Variants in S1PR4 observed in about 807,000 individuals in gnomAD.
S1PR4 encodes the protein sphingosine 1-phosphate receptor 4.
S1PR4 carries 1 observed loss-of-function variant against 0.4 expected under a neutral mutation model. The ratio of observed to expected loss-of-function variants is 2.48; its 90% CI spans 0.88 to 11.76. S1PR4 has a LOEUF of 11.76. Ranked by LOEUF, S1PR4 falls within the 30% of genes most tolerant of loss-of-function variation. The pLI is 0.12. For synonymous variants in S1PR4, 296 were observed against 266.7 expected (o/e 1.11, Z -1.07); for missense variants, 595 against 557.8 (o/e 1.07, Z -0.67).
Position 3,179,651 on chromosome 19 carries a change from C to A in S1PR4, c.859C>A (p.Arg287=). The A allele has an allele frequency of 1.2e-6, 2 of 1,613,322 alleles. No individual in the cohort carries two copies. The highest frequency in any genetic ancestry group is 2.2e-5 in the East Asian group (1 of 44,874). The stretch of plus-strand genomic sequence containing the variant: ...CAACCTCTGGGCCCAGGAGTACCTG[C>A]GGGGCATGGACTGGATCCTGGCCCT... The part of the protein sequence containing the change: ...GSNLWAQEYL[R]GMDWILALAV... The change falls in exon 1 of 1, where the codon CGG becomes AGG. Residue 287 remains arginine (R), a synonymous_variant. Coordinates refer to ENST00000246115, the MANE Select transcript of S1PR4 (RefSeq NM_003775.4).
rs1406975224 is a variant in S1PR4, at chr19:3,178,932, G to A, written c.140G>A (p.Gly47Glu). 1.3e-6 allele frequency: 2 copies of A among 1,531,146 alleles called. No homozygotes were observed. Among genetic ancestry groups the A allele is most frequent in the South Asian group, 1.2e-5 (1 of 83,556 alleles). 94.8% of individuals were successfully genotyped at this position (1,531,146 alleles called of 1,614,324 possible). ...GRGGPEDGGL[G>E]ALRGLSVAAS... ...GGGGGGCCGGAGGATGGCGGCCTGG[G>A]GGCCCTGCGGGGGCTGTCGGTGGCC... The change falls in exon 1 of 1, where the codon GGG becomes GAG. Residue 47 changes from glycine to glutamate, a missense_variant. Physicochemically the swap from Gly to Glu is moderately conservative, Grantham distance 98. Coordinates refer to ENST00000246115, the MANE Select transcript of S1PR4 (RefSeq NM_003775.4).
Position 3,178,952 on chromosome 19 carries a change from G to A in S1PR4, c.160G>A (p.Val54Met), listed in dbSNP as rs1272993979. 4.5e-6 allele frequency: 7 copies of A among 1,544,026 alleles called. No homozygotes were observed. In the Admixed American group the frequency reaches 5.8e-5, roughly 13 times the overall value. Residue 54 changes from valine to methionine, a missense_variant, in exon 1 of 1, where the codon GTG (valine) becomes ATG (methionine). Coordinates refer to ENST00000246115, the MANE Select transcript of S1PR4 (RefSeq NM_003775.4). Reference protein sequence around the residue: ...GGLGALRGLSVAASCLVVLEN... With the variant: ...GGLGALRGLSMAASCLVVLEN... ...CCTGGGGGCCCTGCGGGGGCTGTCG[G>A]TGGCCGCCAGCTGCCTGGTGGTGCT...
rs1568305746 is a variant in S1PR4 at position 3,179,666 on chromosome 19, A to C, written c.874A>C (p.Ile292Leu). The C allele has an allele frequency of 4.3e-6, 7 of 1,613,180 alleles. No individual in the cohort carries two copies. The highest frequency in any genetic ancestry group is 5.1e-6 in the Non-Finnish European group (6 of 1,179,944). The change falls in exon 1 of 1, where the codon ATC becomes CTC. Residue 292 changes from isoleucine (I) to leucine (L), a missense_variant. Transcript: ENST00000246115. ...GGAGTACCTGCGGGGCATGGACTGG[A>C]TCCTGGCCCTGGCCGTCCTCAACTC... ...AQEYLRGMDW[I>L]LALAVLNSAV... is the part of the protein sequence containing the mutation.
Position 3,179,342 on chromosome 19 carries a change from T to C in S1PR4, c.550T>C (p.Trp184Arg). The C allele has an allele frequency of 6.2e-7, 1 of 1,613,050 alleles. No individual in the cohort carries two copies. The highest frequency in any genetic ancestry group is 8.5e-7 in the Non-Finnish European group (1 of 1,179,874). The stretch of plus-strand genomic sequence containing the variant: ...GCTGGGGATGCTGCCTTTGCTGGGC[T>C]GGAACTGCCTGTGCGCCTTTGACCG... ...ALLGMLPLLG[W>R]NCLCAFDRCS... Residue 184 changes from tryptophan (W) to arginine (R), a missense_variant, in exon 1 of 1, where the codon TGG (tryptophan) becomes CGG (arginine). Transcript: ENST00000246115.
rs2144881388 is a variant in S1PR4 at position 3,178,991 on chromosome 19, G to A, written c.199G>A (p.Val67Met). 6.3e-7 allele frequency: 1 copy of A among 1,582,336 alleles called. No homozygotes were observed. Among genetic ancestry groups the A allele is most frequent in the Non-Finnish European group, 8.5e-7 (1 of 1,170,442 alleles). The stretch of plus-strand genomic sequence containing the variant: ...CCTGGTGGTGCTGGAGAACTTGCTG[G>A]TGCTGGCGGCCATCACCAGCCACAT... The part of the protein sequence containing the change: ...SCLVVLENLL[V>M]LAAITSHMRS... Residue 67 changes from valine to methionine, a missense_variant, in exon 1 of 1, where the codon GTG becomes ATG. Coordinates refer to ENST00000246115, the MANE Select transcript of S1PR4 (RefSeq NM_003775.4).
chr19:3,179,311 C>G lies in S1PR4; in HGVS notation c.519C>G (p.Ala173=). 2 of 1,611,230 alleles carry G rather than the reference C, an allele frequency of 1.2e-6. No homozygotes were observed. The highest frequency in any genetic ancestry group is 1.1e-5 in the South Asian group (1 of 90,880). The change falls in exon 1 of 1, where the codon GCC becomes GCG. Residue 173 remains alanine (A), a synonymous_variant. Transcript: ENST00000246115. ...TCATCGGCCTCTGCTGGCTGCTGGC[C>G]GCGCTGCTGGGGATGCTGCCTTTGC... ...YGFIGLCWLL[A]ALLGMLPLLG... is the part of the protein sequence containing the mutation.
At position 3,178,814 on chromosome 19, in the gene S1PR4, G is replaced by A; in HGVS notation, c.22G>A (p.Val8Met). Residue 8 changes from valine to methionine, a missense_variant, in exon 1 of 1, where the codon GTG becomes ATG. By Grantham distance (21) the Val-to-Met change is conservative. Coordinates refer to ENST00000246115, the MANE Select transcript of S1PR4 (RefSeq NM_003775.4). The stretch of plus-strand genomic sequence containing the variant: ...GGCCATGAACGCCACGGGGACCCCG[G>A]TGGCCCCCGAGTCCTGCCAACAGCT... Reference protein sequence around the residue: MNATGTPVAPESCQQLAA... With the variant: MNATGTPMAPESCQQLAA... The A allele has an allele frequency of 6.6e-7, 1 of 1,520,146 alleles. No homozygotes were observed. Among genetic ancestry groups the A allele is most frequent in the Non-Finnish European group, 8.8e-7 (1 of 1,141,158 alleles). The allele number at this position is 1,520,146 out of a possible 1,614,324, so 94.2% of individuals were successfully genotyped here.
At position 3,179,258 on chromosome 19, in the gene S1PR4, G is replaced by T; in HGVS notation, c.466G>T (p.Ala156Ser). 1.2e-6 allele frequency: 2 copies of T among 1,600,366 alleles called. No individual in the cohort carries two copies. The highest frequency in any genetic ancestry group is 1.7e-4 in the Middle Eastern group (1 of 5,984). The change falls in exon 1 of 1, where the codon GCC becomes TCC. Residue 156 changes from alanine (A) to serine (S), a missense_variant. By Grantham distance (99) the Ala-to-Ser change is moderately conservative. Transcript: ENST00000246115. ...TMVRPVAESG[A>S]TKTSRVYGFI... is the part of the protein sequence containing the mutation. ...GGTGCGGCCGGTGGCCGAGAGCGGG[G>T]CCACCAAGACCAGCCGCGTCTACGG... is the stretch of plus-strand genomic sequence containing the variant.
In S1PR4 at chr19:3,179,744, G is replaced by C; in HGVS notation, c.952G>C (p.Val318Leu). ...SFRSREVCRAVLSFLCCGCLR... is the reference protein window; with the variant it reads ...SFRSREVCRALLSFLCCGCLR... Reference sequence around the variant, plus strand: ...CCGCAGCAGGGAGGTGTGCAGAGCCGTGCTCAGCTTCCTCTGCTGCGGGTG... The same window carrying C: ...CCGCAGCAGGGAGGTGTGCAGAGCCCTGCTCAGCTTCCTCTGCTGCGGGTG... Residue 318 changes from valine (V) to leucine (L), a missense_variant, in exon 1 of 1, where the codon GTG (valine) becomes CTG (leucine). Val to Leu is a conservative substitution (Grantham distance 32). Coordinates refer to ENST00000246115, the MANE Select transcript of S1PR4 (RefSeq NM_003775.4). The C allele has an allele frequency of 1.9e-6, 3 of 1,612,570 alleles. No individual in the cohort carries two copies. Among genetic ancestry groups the C allele is most frequent in the Non-Finnish European group, 2.5e-6 (3 of 1,179,810 alleles).
rs1319776212 is a variant in S1PR4, at chr19:3,179,452, G to A, written c.660G>A (p.Met220Ile). ...TCGCCGGCGTCCTGGCCACCATCAT[G>A]GGCCTCTATGGGGCCATCTTCCGCC... ...VIFAGVLATIMGLYGAIFRLV... is the reference protein window; with the variant it reads ...VIFAGVLATIIGLYGAIFRLV... Residue 220 changes from methionine to isoleucine, a missense_variant, in exon 1 of 1, where the codon ATG (methionine) becomes ATA (isoleucine). By Grantham distance (10) the Met-to-Ile change is conservative. Coordinates refer to ENST00000246115, the MANE Select transcript of S1PR4 (RefSeq NM_003775.4). The A allele has an allele frequency of 6.2e-7, 1 of 1,613,194 alleles. No homozygotes were observed. The highest frequency in any genetic ancestry group is 2.2e-5 in the East Asian group (1 of 44,874).
Position 3,179,312 on chromosome 19 carries a change from G to C in S1PR4, c.520G>C (p.Ala174Pro), listed in dbSNP as rs147876709. 6.2e-7 allele frequency: 1 copy of C among 1,611,062 alleles called. No individual in the cohort carries two copies. The highest frequency in any genetic ancestry group is 1.3e-5 in the African/African-American group (1 of 74,888). Residue 174 changes from alanine to proline, a missense_variant, in exon 1 of 1, where the codon GCG (alanine) becomes CCG (proline). Ala to Pro is a conservative substitution (Grantham distance 27). Transcript: ENST00000246115. Reference protein sequence around the residue: ...GFIGLCWLLAALLGMLPLLGW... With the variant: ...GFIGLCWLLAPLLGMLPLLGW... ...CATCGGCCTCTGCTGGCTGCTGGCC[G>C]CGCTGCTGGGGATGCTGCCTTTGCT...
chr19:3,179,344 G>C lies in S1PR4; in HGVS notation c.552G>C (p.Trp184Cys), dbSNP rs768993940. ...ALLGMLPLLG[W>C]NCLCAFDRCS... Reference sequence around the variant, plus strand: ...TGGGGATGCTGCCTTTGCTGGGCTGGAACTGCCTGTGCGCCTTTGACCGCT... The same window carrying C: ...TGGGGATGCTGCCTTTGCTGGGCTGCAACTGCCTGTGCGCCTTTGACCGCT... Residue 184 changes from tryptophan (W) to cysteine (C), a missense_variant, in exon 1 of 1, where the codon TGG (tryptophan) becomes TGC (cysteine). Coordinates refer to ENST00000246115, the MANE Select transcript of S1PR4 (RefSeq NM_003775.4). The C allele has an allele frequency of 1.2e-6, 2 of 1,613,074 alleles. No homozygotes were observed. Among genetic ancestry groups the C allele is most frequent in the South Asian group, 2.2e-5 (2 of 91,082 alleles).
chr19:3,180,167 G>A lies in S1PR4; in HGVS notation c.*220G>A, dbSNP rs1050638841. ...AGGCAACCACCCCACCTCCCCGTAG[G>A]AGCAGAGAGCACCCTGGTGTGGGGG... is the stretch of plus-strand genomic sequence containing the variant. On this transcript the variant is annotated 3_prime_UTR_variant, in exon 1 of 1. Coordinates refer to ENST00000246115, the MANE Select transcript of S1PR4 (RefSeq NM_003775.4). 3.5e-5 allele frequency: 16 copies of A among 461,236 alleles called. No homozygotes were observed. The highest frequency in any genetic ancestry group is 3.1e-4 in the African/African-American group (15 of 49,050). 28.6% of individuals were successfully genotyped at this position (461,236 alleles called of 1,614,324 possible). A position where few individuals can be genotyped will look rare whatever the true frequency, so the allele number is the denominator to read the frequency against.
In S1PR4 at chr19:3,179,789, G is replaced by A. The variant is rs1457647312; in HGVS notation, c.997G>A (p.Gly333Arg). Residue 333 changes from glycine to arginine, a missense_variant, in exon 1 of 1, where the codon GGG becomes AGG. Gly to Arg is a moderately radical substitution (Grantham distance 125). Transcript: ENST00000246115. ...CGGGTGTCTCCGGCTGGGCATGCGA[G>A]GGCCCGGGGACTGCCTGGCCCGGGC... ...CCGCLRLGMRGPGDCLARAVE... is the reference protein window; with the variant it reads ...CCGCLRLGMRRPGDCLARAVE... 1 of 1,605,948 alleles carries A rather than the reference G, an allele frequency of 6.2e-7. No individual in the cohort carries two copies. The highest frequency in any genetic ancestry group is 1.3e-5 in the African/African-American group (1 of 74,764).
In S1PR4 at chr19:3,178,818, C is replaced by T. The variant is rs370373997; in HGVS notation, c.26C>T (p.Ala9Val). 1.3e-4 allele frequency: 198 copies of T among 1,525,542 alleles called. 5 individuals carry two copies. The South Asian group carries it at 2.0e-3, about 15-fold the overall frequency. The allele number at this position is 1,525,542 out of a possible 1,614,324, so 94.5% of individuals were successfully genotyped here. Residue 9 changes from alanine (A) to valine (V), a missense_variant, in exon 1 of 1, where the codon GCC (alanine) becomes GTC (valine). Ala to Val is a moderately conservative substitution (Grantham distance 64). Transcript: ENST00000246115. ...ATGAACGCCACGGGGACCCCGGTGG[C>T]CCCCGAGTCCTGCCAACAGCTGGCG... Reference protein sequence around the residue: MNATGTPVAPESCQQLAAG... With the variant: MNATGTPVVPESCQQLAAG...
chr19:3,179,782 C>T lies in S1PR4; in HGVS notation c.990C>T (p.Gly330=). Residue 330 remains glycine (G), a synonymous_variant, in exon 1 of 1, where the codon GGC becomes GGT. Transcript: ENST00000246115. ...TCTGCTGCGGGTGTCTCCGGCTGGG[C>T]ATGCGAGGGCCCGGGGACTGCCTGG... is the stretch of plus-strand genomic sequence containing the variant. The part of the protein sequence containing the change: ...SFLCCGCLRL[G]MRGPGDCLAR... 2 of 1,607,174 alleles carry T rather than the reference C, an allele frequency of 1.2e-6. No homozygotes were observed. The highest frequency in any genetic ancestry group is 1.7e-6 in the Non-Finnish European group (2 of 1,177,140).
rs768810396 is a variant in S1PR4, at chr19:3,179,068, C to T, written c.276C>T (p.Asp92=). 3.1e-6 allele frequency: 5 copies of T among 1,609,774 alleles called. No individual in the cohort carries two copies. The South Asian group carries it at 4.4e-5, about 14-fold the overall frequency. Residue 92 remains aspartate, a synonymous_variant, in exon 1 of 1, where the codon GAC becomes GAT. Transcript: ENST00000246115. ...GCCTGGTGAACATCACGCTGAGTGA[C>T]CTGCTCACGGGCGCGGCCTACCTGG... ...YYCLVNITLS[D]LLTGAAYLAN...
rs758604704 is a variant in S1PR4, at chr19:3,178,778, C to T, written c.-15C>T. 4.8e-6 allele frequency: 7 copies of T among 1,460,156 alleles called. No individual in the cohort carries two copies. The South Asian group carries it at 8.2e-5, about 17-fold the overall frequency. 90.4% of individuals were successfully genotyped at this position (1,460,156 alleles called of 1,614,324 possible). On this transcript the variant is annotated 5_prime_UTR_variant, in exon 1 of 1. Transcript: ENST00000246115. The stretch of plus-strand genomic sequence containing the variant: ...CCACCCTGCGTCGGGCCTCAGTCAG[C>T]CCCCGGGGGAGGCCATGAACGCCAC...
chr19:3,179,158 G>T lies in S1PR4; in HGVS notation c.366G>T (p.Glu122Asp). 1 of 1,611,738 alleles carries T rather than the reference G, an allele frequency of 6.2e-7. No individual in the cohort carries two copies. Among genetic ancestry groups the T allele is most frequent in the Non-Finnish European group, 8.5e-7 (1 of 1,179,406 alleles). ...CGCCCGCCCAGTGGTTCCTACGGGA[G>T]GGCCTGCTCTTCACCGCCCTGGCCG... ...RLAPAQWFLR[E>D]GLLFTALAAS... Residue 122 changes from glutamate (E) to aspartate (D), a missense_variant, in exon 1 of 1, where the codon GAG becomes GAT. Glu to Asp is a conservative substitution (Grantham distance 45). Transcript: ENST00000246115.
Sources: gnomAD v4.1 joint callset for allele counts on GRCh38, gnomAD v4.1.1 for gene constraint, MANE v1.5 for transcripts, NCBI Gene and HGNC (gene_info 2026-07-23, HGNC 2026-07-21) for gene names.